Variants in GPR139 observed in about 807,000 individuals in gnomAD.
GPR139 encodes probable G protein-coupled receptor 139.
GPR139 carries 12 observed loss-of-function variants against 25.8 expected under a neutral mutation model. The observed-to-expected ratio is 0.47, with a 90% CI of 0.30 to 0.75. The LOEUF is 0.75. Among genes scored for constraint, GPR139 ranks in the 30% least tolerant of loss-of-function variants. The pLI is 0.07. For synonymous variants in GPR139, 184 were observed against 179.9 expected (o/e 1.02, Z -0.18); for missense variants, 380 against 450.2 (o/e 0.84, Z 1.41).
intron 1 of GPR139, among the ~76,000 whole-genome samples, chr16:20,059,485 A>G (rs961086291): frequency 4.6e-5 from 7 of 151,970 alleles, no homozygotes; most frequent in African/African-American, 1.7e-4. Context: ...CCACCTCATT[A>G]TTTAGGTCTC....
At position 20,030,062 on chromosome 16, in the gene GPR139, A is replaced by G. The variant is rs571113038; in HGVS notation, c.*1673T>C. ...TTGCGATCCTTTAAAAGGGGTAAGAATTAGGATCATCAGGACTAATATGAC... is the reference window on the plus strand; with the variant it reads ...TTGCGATCCTTTAAAAGGGGTAAGAGTTAGGATCATCAGGACTAATATGAC... On this transcript the variant is annotated 3_prime_UTR_variant, in exon 2 of 2. Coordinates refer to ENST00000570682, the MANE Select transcript of GPR139 (RefSeq NM_001002911.4). Among the ~76,000 whole-genome samples the G allele has an allele frequency of 9.8e-5, 15 of 152,352 alleles. No individual in the cohort carries two copies. The highest frequency in any genetic ancestry group is 8.3e-4 in the South Asian group (4 of 4,830).
At chr16:20,052,614 G>A (rs1444271798) in intron 1 of GPR139, among the ~76,000 whole-genome samples, 2 of 152,102 alleles carry the variant, frequency 1.3e-5, no homozygotes, top group Non-Finnish European at 2.9e-5. Flanking sequence ...TGGCTAACAC[G>A]GTGAAACCCC....
At chr16:20,072,461 AT>A (rs1056757909) in intron 1 of GPR139, among the ~76,000 whole-genome samples, 1 of 151,800 alleles carries the variant, frequency 6.6e-6, no homozygotes, top group Non-Finnish European at 1.5e-5. Flanking sequence ...TGTACACTGG[AT>A]TTTTTTTCTC....
At chr16:20,049,917 TGAG>T (rs1567237592) in intron 1 of GPR139, among the ~76,000 whole-genome samples, 1 of 151,430 alleles carries the variant, frequency 6.6e-6, no homozygotes, top group African/African-American at 2.4e-5. Flanking sequence ...CCAACCTAAG[TGAG>T]GAGCATTTTG....
intron 1 of GPR139, among the ~76,000 whole-genome samples, chr16:20,049,670 G>A (rs1023168623): frequency 1.3e-5 from 2 of 152,182 alleles, no homozygotes; most frequent in Non-Finnish European, 2.9e-5. Flanking sequence ...TAAGAGCTCC[G>A]AGAGTGAAAC....
At position 20,073,739 on chromosome 16, in the gene GPR139, C is replaced by G; in HGVS notation, c.-123G>C. ...TGGAGCAGCAGCGCCTCTCTCCCCGCAGGACTGGCTCCTACCCTTGGCCGT... is the reference window on the plus strand; with the variant it reads ...TGGAGCAGCAGCGCCTCTCTCCCCGGAGGACTGGCTCCTACCCTTGGCCGT... On this transcript the variant is annotated 5_prime_UTR_variant, in exon 1 of 2. Coordinates refer to ENST00000570682, the MANE Select transcript of GPR139 (RefSeq NM_001002911.4). This position sits in a 1 kb window ranked among gnomAD's most constrained non-coding sequence, Gnocchi z 4.7. 1 of 1,253,046 alleles carries G rather than the reference C, an allele frequency of 8.0e-7. No homozygotes were observed. Among genetic ancestry groups the G allele is most frequent in the Admixed American group, 2.7e-5 (1 of 37,042 alleles). 77.6% of individuals were successfully genotyped at this position (1,253,046 alleles called of 1,614,324 possible). A position where few individuals can be genotyped will look rare whatever the true frequency, so the allele number is the denominator to read the frequency against.
In GPR139 at chr16:20,038,329, A is replaced by ATGTG. The variant is rs1555465698; in HGVS notation, c.128-5664_128-5661dup. On this transcript the variant is annotated intron_variant, in intron 1 of 1. Coordinates refer to ENST00000570682, the MANE Select transcript of GPR139 (RefSeq NM_001002911.4). The stretch of plus-strand genomic sequence containing the variant: ...GTTTAAGTTCCTGGATAATATATAT[A>ATGTG]TGTGTGTGTGTGTGTGTGTGTGTGT... 3.7e-3 allele frequency among the ~76,000 whole-genome samples: 359 copies of ATGTG among 95,946 alleles called. 2 individuals are homozygous for ATGTG. Among genetic ancestry groups the ATGTG allele is most frequent in the Middle Eastern group, 0.014 (3 of 208 alleles). 62.9% of individuals were successfully genotyped at this position (95,946 alleles called of 152,430 possible). A position where few individuals can be genotyped will look rare whatever the true frequency, so the allele number is the denominator to read the frequency against.
chr16:20,037,504 G>A (rs997254548), intron 1 of GPR139, among the ~76,000 whole-genome samples: 6 of 151,854 alleles, frequency 4.0e-5, no homozygotes, highest in East Asian at 1.9e-4. Context: ...GGGATCTGTC[G>A]CAAGTATTTG....
intron 1 of GPR139, among the ~76,000 whole-genome samples, chr16:20,066,029 G>GA (rs2057432925): frequency 6.6e-6 from 1 of 152,144 alleles, no homozygotes; most frequent in South Asian, 2.1e-4. Context: ...CTATAACTGA[G>GA]AAAAAATAGA....
intron 1 of GPR139, among the ~76,000 whole-genome samples, chr16:20,041,410 G>T (rs1052484517): frequency 1.1e-4 from 17 of 151,542 alleles, no homozygotes; most frequent in African/African-American, 4.1e-4. Flanking sequence ...TTTTTAGGAA[G>T]ATCAATTTCT....
In GPR139 at chr16:20,032,758, A is replaced by G. The variant is rs1174093460; in HGVS notation, c.128-89T>C. 2.2e-5 allele frequency: 19 copies of G among 867,264 alleles called. No individual in the cohort carries two copies. In the East Asian group the frequency reaches 4.3e-4, roughly 19 times the overall value. 53.7% of individuals were successfully genotyped at this position (867,264 alleles called of 1,614,324 possible). A position where few individuals can be genotyped will look rare whatever the true frequency, so the allele number is the denominator to read the frequency against. On this transcript the variant is annotated intron_variant, in intron 1 of 1. Coordinates refer to ENST00000570682, the MANE Select transcript of GPR139 (RefSeq NM_001002911.4). ...GGCCCTAGGCATATGTTTATTTTGC[A>G]CTCCCATGGAAGTGAAAATGATTGA... is the stretch of plus-strand genomic sequence containing the variant.
chr16:20,041,149 AC>A (rs2057330104), intron 1 of GPR139, among the ~76,000 whole-genome samples: 1 of 448 alleles, frequency 2.2e-3, no homozygotes, highest in Non-Finnish European at 5.0e-3. Context: ...AGGAGAGGAG[AC>A]GAGAGGGGAG....
chr16:20,044,709 A>G (rs900090177), intron 1 of GPR139, among the ~76,000 whole-genome samples: 1 of 152,190 alleles, frequency 6.6e-6, no homozygotes, highest in Non-Finnish European at 1.5e-5. Flanking sequence ...ATGATATATT[A>G]CCTAACATTA....
At chr16:20,061,261 G>T (rs2057413238) in intron 1 of GPR139, among the ~76,000 whole-genome samples, 2 of 151,786 alleles carry the variant, frequency 1.3e-5, no homozygotes, top group Admixed American at 6.6e-5. Context: ...ATGGATGGAT[G>T]GATGGATGGC....
At position 20,029,933 on chromosome 16, in the gene GPR139, A is replaced by G. The variant is rs992355818; in HGVS notation, c.*1802T>C. Among the ~76,000 whole-genome samples, 1 of 152,174 alleles carries G rather than the reference A, an allele frequency of 6.6e-6. No individual in the cohort carries two copies. Among genetic ancestry groups the G allele is most frequent in the Non-Finnish European group, 1.5e-5 (1 of 68,032 alleles). ...AAAGCAATGGAATATAATCTCCAAC[A>G]TGGCTCTTTTTTGAGGATCTTTTGC... is the stretch of plus-strand genomic sequence containing the variant. On this transcript the variant is annotated 3_prime_UTR_variant, in exon 2 of 2. Transcript: ENST00000570682.
intron 1 of GPR139, among the ~76,000 whole-genome samples, chr16:20,044,998 T>C (rs1430088259): frequency 3.2e-5 from 4 of 124,780 alleles, no homozygotes; most frequent in Non-Finnish European, 5.8e-5. Flanking sequence ...TGCACTATTT[T>C]TTTTTTTTTT....
At chr16:20,057,479 T>A (rs2057393664) in intron 1 of GPR139, among the ~76,000 whole-genome samples, 1 of 152,052 alleles carries the variant, frequency 6.6e-6, no homozygotes, top group Non-Finnish European at 1.5e-5. Context: ...ATTTATGGGA[T>A]TAAGAAGGTA....
chr16:20,053,200 C>T (rs1313560095), intron 1 of GPR139, among the ~76,000 whole-genome samples: 4 of 152,166 alleles, frequency 2.6e-5, no homozygotes, highest in African/African-American at 7.2e-5. Context: ...ACTTGTTAGA[C>T]TTCTATAAGA....
intron 1 of GPR139, among the ~76,000 whole-genome samples, chr16:20,058,242 A>G (rs981256868): frequency 1.3e-5 from 2 of 152,226 alleles, no homozygotes; most frequent in Non-Finnish European, 2.9e-5. Context: ...ACTCAAATCC[A>G]GGTCTTACAG....
Sources: allele counts gnomAD v4.1 joint callset (sites outside exome capture counted in the v4.1 genomes callset), GRCh38; gene constraint gnomAD v4.1.1; non-coding constraint Gnocchi (gnomAD v3.1); transcripts MANE v1.5; gene names NCBI Gene and HGNC (gene_info 2026-07-23, HGNC 2026-07-21).